FBRSL1: variants seen among roughly 807,000 people sequenced by gnomAD.
The protein encoded by FBRSL1 is fibrosin like 1, also known as fibrosin-1-like protein.
FBRSL1 carries 51 observed loss-of-function variants against 89.6 expected under a neutral mutation model. The observed-to-expected ratio is 0.57, with a 90% confidence interval of 0.45 to 0.72. FBRSL1 has a LOEUF of 0.72. Among genes scored for constraint, FBRSL1 ranks in the 30% least tolerant of loss-of-function variants. FBRSL1 has a pLI of 0.00. For synonymous variants in FBRSL1, 779 were observed against 681.1 expected (o/e 1.14, Z -2.24); for missense variants, 1,618 against 1,451.8 (o/e 1.11, Z -1.86).
intron 1 of FBRSL1, among the ~76,000 whole-genome samples, chr12:132,493,045 G>T (rs2031357762): frequency 6.6e-6 from 1 of 152,218 alleles, no homozygotes; most frequent in Admixed American, 6.5e-5. Context: ...AATGACCCAC[G>T]AGGAGGGCTG....
rs376826196 is a variant in FBRSL1, at chr12:132,546,430, C to A, written c.616-1573C>A. ...TGGGCGGGTGCAGGTGGGACTGAGG[C>A]CCTTCTCTACCTCTCACCCTGAAGG... is the stretch of plus-strand genomic sequence containing the variant. On this transcript the variant is annotated intron_variant, in intron 4 of 18. Coordinates refer to ENST00000680143, the MANE Select transcript of FBRSL1 (RefSeq NM_001367871.1). The surrounding 1 kb of genome is among the most constrained non-coding windows in gnomAD (Gnocchi z 4.0). Among the ~76,000 whole-genome samples the A allele has an allele frequency of 6.6e-6, 1 of 152,240 alleles. No individual in the cohort carries two copies. Among genetic ancestry groups the A allele is most frequent in the South Asian group, 2.1e-4 (1 of 4,834 alleles).
intron 1 of FBRSL1, among the ~76,000 whole-genome samples, chr12:132,505,394 G>C (rs1320851421): frequency 6.6e-6 from 1 of 152,172 alleles, no homozygotes; most frequent in Non-Finnish European, 1.5e-5. Flanking sequence ...GGACACTGGG[G>C]CTGCCCAGGG....
At chr12:132,579,473 G>A (rs2040603472) in intron 15 of FBRSL1, among the ~76,000 whole-genome samples, 1 of 152,226 alleles carries the variant, frequency 6.6e-6, no homozygotes, top group Admixed American at 6.5e-5. Context: ...GTGCGTATCT[G>A]TTTTGAAGAT....
chr12:132,574,388 C>T, intron 13 of FBRSL1, 40 bp downstream of exon 13: 1 of 1,549,706 alleles, frequency 6.5e-7, no homozygotes. Flanking sequence ...AGGGAGGACT[C>T]TGGTGCCCCC....
chr12:132,556,921 G>A (rs1199614112), intron 5 of FBRSL1, among the ~76,000 whole-genome samples: 1 of 152,026 alleles, frequency 6.6e-6, no homozygotes. Context: ...CCCAATTCAA[G>A]GACACGTGCC....
intron 1 of FBRSL1, among the ~76,000 whole-genome samples, chr12:132,506,744 G>A (rs138007223): frequency 0.011 from 1,694 of 152,390 alleles, 13 homozygotes; most frequent in Non-Finnish European, 0.017. Context: ...GGGCGAGCAG[G>A]AACTCTGGAG....
intron 6 of FBRSL1, among the ~76,000 whole-genome samples, chr12:132,567,798 C>T (rs970902946): frequency 6.6e-6 from 1 of 152,190 alleles, no homozygotes; most frequent in African/African-American, 2.4e-5. Flanking sequence ...CTCTCAGGCC[C>T]TCCCCAGGTT....
In FBRSL1 at chr12:132,584,854, A is replaced by C. The variant is rs2041025469; in HGVS notation, c.*1076A>C. ...CACACACACACACACACACACACAA[A>C]ATCACTGCTGTGTGTTTTCTTCCGC... On this transcript the variant is annotated 3_prime_UTR_variant, in exon 19 of 19. Transcript: ENST00000680143. 1 of 152,320 alleles carries C rather than the reference A, an allele frequency of 6.6e-6. No individual in the cohort carries two copies. Among genetic ancestry groups the C allele is most frequent in the Admixed American group, 6.5e-5 (1 of 15,282 alleles). The allele number at this position is 152,320 out of a possible 1,614,324, so 9.4% of individuals were successfully genotyped here. A position where few individuals can be genotyped will look rare whatever the true frequency, so the allele number is the denominator to read the frequency against.
At chr12:132,510,826 G>C (rs972487376) in intron 2 of FBRSL1, 1 of 1,094,506 alleles carries the variant, frequency 9.1e-7, no homozygotes, top group East Asian at 5.8e-5. Context: ...CTTGCTGGGG[G>C]CCCCTCAGCG....
rs559759868 is a variant in FBRSL1 at position 132,513,058 on chromosome 12, C to T, written c.489+4708C>T. Among the ~76,000 whole-genome samples the T allele has an allele frequency of 1.1e-4, 16 of 152,344 alleles. No individual in the cohort carries two copies. The South Asian group carries it at 3.3e-3, about 32-fold the overall frequency. On this transcript the variant is annotated intron_variant, in intron 2 of 18. Transcript: ENST00000680143. ...GTGGGGACACTGCTGCCAGGCGTCGCCCTGGGAAATGCAGATTTCGTGTGG... is the reference window on the plus strand; with the variant it reads ...GTGGGGACACTGCTGCCAGGCGTCGTCCTGGGAAATGCAGATTTCGTGTGG...
chr12:132,526,770 A>G (rs2035821020), intron 3 of FBRSL1, among the ~76,000 whole-genome samples: 1 of 151,994 alleles, frequency 6.6e-6, no homozygotes, highest in Non-Finnish European at 1.5e-5. Flanking sequence ...CCCACTCCTC[A>G]GGGGGCTCTG....
At chr12:132,571,991 C>T in intron 9 of FBRSL1, 1 of 496,966 alleles carries the variant, frequency 2.0e-6, no homozygotes, top group Non-Finnish European at 3.5e-6. Context: ...CAGCGCGACC[C>T]AGCAGCCAGG....
At chr12:132,495,644 C>T (rs1025830282) in intron 1 of FBRSL1, among the ~76,000 whole-genome samples, 4 of 152,236 alleles carry the variant, frequency 2.6e-5, no homozygotes, top group Non-Finnish European at 5.9e-5. Context: ...GGGGCCTGCC[C>T]TGTGACAATG....
At chr12:132,569,607 C>G (rs544499656) in intron 6 of FBRSL1, among the ~76,000 whole-genome samples, 1 of 152,190 alleles carries the variant, frequency 6.6e-6, no homozygotes. Flanking sequence ...GTCATAGCAG[C>G]CCCTGTCCAG....
chr12:132,496,899 T>C (rs2032133790), intron 1 of FBRSL1, among the ~76,000 whole-genome samples: 1 of 141,488 alleles, frequency 7.1e-6, no homozygotes, highest in Non-Finnish European at 1.5e-5. Flanking sequence ...GGGGTGGCCC[T>C]GCTCACCCAG....
chr12:132,571,120 T>A lies in FBRSL1; in HGVS notation c.1266T>A (p.His422Gln). ...FSQPIMYCQP[H>Q]SGILIGTWSQ... Reference sequence around the variant, plus strand: ...AGCCAATCATGTATTGCCAGCCTCATTCGGGAATTCTGATTGGTACTTGGT... The same window carrying A: ...AGCCAATCATGTATTGCCAGCCTCAATCGGGAATTCTGATTGGTACTTGGT... The change falls in exon 9 of 19, where the codon CAT (histidine) becomes CAA (glutamine). Residue 422 changes from histidine (H) to glutamine (Q), a missense_variant. Physicochemically the swap from His to Gln is conservative, Grantham distance 24 (BLOSUM62 0). Coordinates refer to ENST00000680143, the MANE Select transcript of FBRSL1 (RefSeq NM_001367871.1). 2 of 1,369,532 alleles carry A rather than the reference T, an allele frequency of 1.5e-6. No homozygotes were observed. The highest frequency in any genetic ancestry group is 1.9e-6 in the Non-Finnish European group (2 of 1,062,824). 84.8% of individuals were successfully genotyped at this position (1,369,532 alleles called of 1,614,324 possible). A position where few individuals can be genotyped will look rare whatever the true frequency, so the allele number is the denominator to read the frequency against.
rs1255656893 is a variant in FBRSL1, at chr12:132,582,252, G to A, written c.2187G>A (p.Lys729=). 8 of 1,549,954 alleles carry A rather than the reference G, an allele frequency of 5.2e-6. No individual in the cohort carries two copies. Among genetic ancestry groups the A allele is most frequent in the South Asian group, 2.4e-5 (2 of 84,040 alleles). ...TNHDREPDNG[K]EEQERDLLEK... ...ATGACCGAGAGCCGGACAATGGCAA[G>A]GAGGAGCAGGAACGGTGAGTGGCCC... The change falls in exon 18 of 19, where the codon AAG becomes AAA. Residue 729 remains lysine, a synonymous_variant. Coordinates refer to ENST00000680143, the MANE Select transcript of FBRSL1 (RefSeq NM_001367871.1).
intron 11 of FBRSL1, among the ~76,000 whole-genome samples, chr12:132,573,432 C>T (rs2040177421): frequency 6.6e-6 from 1 of 152,146 alleles, no homozygotes; most frequent in South Asian, 2.1e-4. Flanking sequence ...CCCCCAGACC[C>T]CGTGGTTGAG....
rs143152547 is a variant in FBRSL1, at chr12:132,535,665, C to A, written c.615+7677C>A. 9.1e-3 allele frequency among the ~76,000 whole-genome samples: 1,381 copies of A among 152,352 alleles called. 21 individuals carry two copies. The highest frequency in any genetic ancestry group is 0.032 in the African/African-American group (1,323 of 41,578). Reference sequence around the variant, plus strand: ...GGTGCCCCAAGCACACTAGGCCCAGCGGGTGCAGGAACCCCCAGAGAAGCC... The same window carrying A: ...GGTGCCCCAAGCACACTAGGCCCAGAGGGTGCAGGAACCCCCAGAGAAGCC... On this transcript the variant is annotated intron_variant, in intron 4 of 18. Transcript: ENST00000680143.
Sources: allele counts gnomAD v4.1 joint callset (sites outside exome capture counted in the v4.1 genomes callset), GRCh38; gene constraint gnomAD v4.1.1; non-coding constraint Gnocchi (gnomAD v3.1); transcripts MANE v1.5; gene names NCBI Gene and HGNC (gene_info 2026-07-23, HGNC 2026-07-21).